The following RGS12 variants were observed in gnomAD, a reference collection of about 807,000 sequenced individuals.
RGS12 encodes regulator of G protein signaling 12.
RGS12 carries 66 observed loss-of-function variants against 120.1 expected under a neutral mutation model. That is an observed-to-expected ratio of 0.55 (90% CI 0.45 to 0.67). RGS12 has a LOEUF of 0.67. RGS12 is among the 30% of genes least tolerant of loss of function. RGS12 has a pLI of 0.00. For synonymous variants in RGS12, 827 were observed against 804.7 expected, an observed-to-expected ratio of 1.03 and a Z score of -0.47; for missense variants, 1,859 against 1,957.7, an observed-to-expected ratio of 0.95 and a Z score of 0.95.
rs373242698 is a variant in RGS12, at chr4:3,430,532, C to T, written c.3691C>T (p.Leu1231Phe). 1 of 1,613,490 alleles carries T rather than the reference C, an allele frequency of 6.2e-7. No individual in the cohort carries two copies. The highest frequency in any genetic ancestry group is 8.5e-7 in the Non-Finnish European group (1 of 1,180,024). The change falls in exon 17 of 18, where the codon CTC (leucine) becomes TTC (phenylalanine). Residue 1231 changes from leucine to phenylalanine, a missense_variant. This residue lies in a region of RGS12 where 517 missense variants were observed against 488.5 expected (regional missense o/e 1.06). Coordinates refer to ENST00000336727, the MANE Select transcript of RGS12 (RefSeq NM_001394154.1). ...RLPPGSTELT[L>F]PTPAAVAKGF... is the part of the protein sequence containing the mutation. The stretch of plus-strand genomic sequence containing the variant: ...ACCTCCTGGTTCCACAGAACTCACC[C>T]TCCCCACTCCAGCTGCTGTGGCCAA...
chr4:3,428,008 A>C, intron 14 of RGS12, 82 bp from the exon 15 acceptor site: 2 of 1,333,088 alleles, frequency 1.5e-6, no homozygotes, highest in Non-Finnish European at 2.2e-6. Flanking sequence ...CTTTGCTCTC[A>C]GAGACAGTAG....
At chr4:3,352,383 A>G (rs1007703701) in intron 3 of RGS12, among the ~76,000 whole-genome samples, 3 of 152,170 alleles carry the variant, frequency 2.0e-5, no homozygotes, top group Non-Finnish European at 4.4e-5. Context: ...AGTGCCTCAT[A>G]CCAGTTCTAA....
chr4:3,337,289 C>T (rs1156539368), intron 2 of RGS12, among the ~76,000 whole-genome samples: 4 of 152,184 alleles, frequency 2.6e-5, no homozygotes, highest in African/African-American at 7.2e-5. Context: ...GTGCCGCACC[C>T]ACCATGGGAA....
chr4:3,392,252 T>A (rs1719579038), intron 4 of RGS12, among the ~76,000 whole-genome samples: 1 of 152,216 alleles, frequency 6.6e-6, no homozygotes, highest in Admixed American at 6.5e-5. Context: ...CCTCTGGGCA[T>A]ACCACCTAAC....
intron 1 of RGS12, among the ~76,000 whole-genome samples, chr4:3,295,971 G>A (rs1386986416): frequency 6.6e-6 from 1 of 152,224 alleles, no homozygotes; most frequent in Non-Finnish European, 1.5e-5. Flanking sequence ...GTCATCGTCA[G>A]CTGGCCAAGC....
intron 1 of RGS12, among the ~76,000 whole-genome samples, chr4:3,301,118 G>T (rs1447197801): frequency 6.6e-6 from 1 of 151,852 alleles, no homozygotes. Context: ...TGTAACACGG[G>T]GTCTGTCCCG....
At chr4:3,352,710 C>T (rs1714477827) in intron 3 of RGS12, among the ~76,000 whole-genome samples, 2 of 152,158 alleles carry the variant, frequency 1.3e-5, no homozygotes, top group Non-Finnish European at 2.9e-5. Flanking sequence ...CAGATGTCCT[C>T]GCAGAAGTAA....
intron 4 of RGS12, chr4:3,413,829 T>TGTGCTCGTGCAC (rs1411623933): frequency 2.0e-6 from 1 of 495,716 alleles, no homozygotes; most frequent in Non-Finnish European, 3.6e-6. Context: ...AACATGTGTG[T>TGTGCTCGTGCAC]GTGCTCGTGC....
In RGS12 at chr4:3,425,521, C is replaced by T. The variant is rs764758605; in HGVS notation, c.3292C>T (p.Arg1098Trp). 12 of 1,610,620 alleles carry T rather than the reference C, an allele frequency of 7.5e-6. No homozygotes were observed. Among genetic ancestry groups the T allele is most frequent in the Admixed American group, 5.0e-5 (3 of 59,750 alleles). The change falls in exon 14 of 18, where the codon CGG becomes TGG. Residue 1098 changes from arginine (R) to tryptophan (W), a missense_variant. Coordinates refer to ENST00000336727, the MANE Select transcript of RGS12 (RefSeq NM_001394154.1). ...GAPISSLDGQ[R>W]VVLEEKDPSR... Reference sequence around the variant, plus strand: ...CCCTATATCGAGTCTGGACGGACAGCGGGTTGTCTTGGAGGAGAAGGATCC... The same window carrying T: ...CCCTATATCGAGTCTGGACGGACAGTGGGTTGTCTTGGAGGAGAAGGATCC...
chr4:3,431,521 C>A (rs1330924723), intron 17 of RGS12: 1 of 986,502 alleles, frequency 1.0e-6, no homozygotes, highest in East Asian at 1.1e-4. Context: ...CAGCAGCGCT[C>A]TCTGACCGCG....
chr4:3,416,865 A>G, intron 7 of RGS12, 48 bp from the exon 8 acceptor site: 1 of 1,532,872 alleles, frequency 6.5e-7, no homozygotes, highest in Non-Finnish European at 8.9e-7. Context: ...CTGAGGCTGC[A>G]TGTCTGGGTC....
At position 3,316,523 on chromosome 4, in the gene RGS12, G is replaced by A. The variant is rs555529900; in HGVS notation, c.353G>A (p.Gly118Asp). 6.2e-7 allele frequency: 1 copy of A among 1,614,162 alleles called. No individual in the cohort carries two copies. The highest frequency in any genetic ancestry group is 2.2e-5 in the East Asian group (1 of 44,880). Residue 118 changes from glycine to aspartate, a missense_variant, in exon 2 of 18, where the codon GGC (glycine) becomes GAC (aspartate). Physicochemically the swap from Gly to Asp is moderately conservative, Grantham distance 94. Around this residue, in one of 3 missense-constraint regions of RGS12, gnomAD observed 967 missense variants for 994.2 expected, o/e 0.97. Transcript: ENST00000336727. Reference sequence around the variant, plus strand: ...GAAGGGGGACTCTATGAAGGAAAAGGCTGGCTGAAGCCCAAGCTGGATTCT... The same window carrying A: ...GAAGGGGGACTCTATGAAGGAAAAGACTGGCTGAAGCCCAAGCTGGATTCT... ...DEEGGLYEGK[G>D]WLKPKLDSKA...
intron 3 of RGS12, among the ~76,000 whole-genome samples, chr4:3,383,989 A>T (rs1026476736): frequency 2.6e-5 from 4 of 152,176 alleles, no homozygotes; most frequent in African/African-American, 9.7e-5. Context: ...AGATTCTGAG[A>T]ATTGAATTTT....
upstream of RGS12, among the ~76,000 whole-genome samples, chr4:3,290,895 C>A (rs1722987454): frequency 6.6e-6 from 1 of 152,248 alleles, no homozygotes; most frequent in South Asian, 2.1e-4. Flanking sequence ...CAAAACCTTC[C>A]AGCATGACAC....
intron 3 of RGS12, among the ~76,000 whole-genome samples, chr4:3,371,087 G>A (rs925063190): frequency 6.6e-6 from 1 of 152,244 alleles, no homozygotes; most frequent in African/African-American, 2.4e-5. Context: ...TGAGGGGCAT[G>A]GAGGGGTTGG....
intron 3 of RGS12, among the ~76,000 whole-genome samples, chr4:3,355,144 A>T (rs955518175): frequency 2.6e-5 from 4 of 152,210 alleles, no homozygotes; most frequent in Non-Finnish European, 5.9e-5. Context: ...ACATTTGAAA[A>T]TGAATCAATT....
chr4:3,389,860 G>A lies in RGS12; in HGVS notation c.2020+3423G>A, dbSNP rs142970312. ...GCTGCTTCTCAAACACTCCGTTCTC[G>A]CAGCCTCACCCTGGGGACCCCCGAC... On this transcript the variant is annotated intron_variant, in intron 4 of 17. Coordinates refer to ENST00000336727, the MANE Select transcript of RGS12 (RefSeq NM_001394154.1). This position sits in a 1 kb window ranked among gnomAD's most constrained non-coding sequence, Gnocchi z 5.2. Among the ~76,000 whole-genome samples, 3 of 152,216 alleles carry A rather than the reference G, an allele frequency of 2.0e-5. No individual in the cohort carries two copies. The highest frequency in any genetic ancestry group is 1.9e-4 in the East Asian group (1 of 5,172).
chr4:3,306,326 C>T (rs1039859804), intron 1 of RGS12, among the ~76,000 whole-genome samples: 4 of 152,124 alleles, frequency 2.6e-5, no homozygotes, highest in African/African-American at 4.8e-5. Flanking sequence ...GAGTCAGTGG[C>T]AGGAGGTGCG....
At chr4:3,415,942 A>G (rs767479869) in intron 6 of RGS12, 36 bp from the exon 7 acceptor site, 5 of 1,578,182 alleles carry the variant, frequency 3.2e-6, no homozygotes, top group Non-Finnish European at 4.3e-6. Context: ...GGGGAGAGGA[A>G]GCCTTGCCGG....
Sources: allele counts gnomAD v4.1 joint callset (sites outside exome capture counted in the v4.1 genomes callset), GRCh38; gene constraint gnomAD v4.1.1; regional missense constraint gnomAD v4.1.1; non-coding constraint Gnocchi (gnomAD v3.1); transcripts MANE v1.5; gene names NCBI Gene and HGNC (gene_info 2026-07-23, HGNC 2026-07-21).